FHIP1A: variants seen among roughly 807,000 people sequenced by gnomAD.
The protein encoded by FHIP1A is FHF complex subunit HOOK interacting protein 1A, also known as FHF complex subunit HOOK-interacting protein 1A.
In FHIP1A, 61 loss-of-function variants were observed where a neutral mutation model predicts 88.6. That is an observed-to-expected ratio of 0.69 (90% confidence interval 0.56 to 0.85). FHIP1A has a LOEUF of 0.85. Ranked by LOEUF, FHIP1A falls within the 40% of genes least tolerant of loss-of-function variation. The probability of loss-of-function intolerance (pLI) is 0.00; values close to 1 mark genes in which losing one functional copy is unlikely to be tolerated. For missense variants in FHIP1A, 1,154 were observed against 1,273.5 expected (o/e 0.91, Z 1.43); for synonymous variants, 478 against 496.0 (o/e 0.96, Z 0.48).
chr4:151,436,264 A>G (rs1397515223), intron 1 of FHIP1A, among the ~76,000 whole-genome samples: 1 of 152,158 alleles, frequency 6.6e-6, no homozygotes, highest in African/African-American at 2.4e-5. Flanking sequence ...AAAACAAACA[A>G]AAACGTAGGG....
At chr4:151,539,203 T>TAAA (rs1425966023) in intron 3 of FHIP1A, among the ~76,000 whole-genome samples, 2 of 152,218 alleles carry the variant, frequency 1.3e-5, no homozygotes, top group Admixed American at 6.5e-5. Flanking sequence ...AACTGATACT[T>TAAA]TTTTAAGCAA....
chr4:151,424,179 T>G (rs910069465), intron 1 of FHIP1A, among the ~76,000 whole-genome samples: 2 of 152,190 alleles, frequency 1.3e-5, no homozygotes, highest in Non-Finnish European at 2.9e-5. Flanking sequence ...CATTTAAATT[T>G]TCAAAATCCC....
rs186565896 is a variant in FHIP1A at position 151,492,880 on chromosome 4, G to A, written c.-123+10232G>A. Among the ~76,000 whole-genome samples, 8 of 152,226 alleles carry A rather than the reference G, an allele frequency of 5.3e-5. No individual in the cohort carries two copies. In the East Asian group the frequency reaches 1.5e-3, roughly 29 times the overall value. ...AGCAAATAAATGTCTACATCAAAAA[G>A]TCTGAAAGAGCACAAATAGATAATC... On this transcript the variant is annotated intron_variant, in intron 3 of 13. Transcript: ENST00000435205.
At chr4:151,627,615 G>T (rs1736000922) in intron 7 of FHIP1A, among the ~76,000 whole-genome samples, 1 of 152,170 alleles carries the variant, frequency 6.6e-6, no homozygotes, top group Admixed American at 6.5e-5. Flanking sequence ...AATCATTTAG[G>T]ATTAAGTTTC....
At chr4:151,495,330 C>G (rs531966706) in intron 3 of FHIP1A, among the ~76,000 whole-genome samples, 1 of 151,960 alleles carries the variant, frequency 6.6e-6, no homozygotes, top group African/African-American at 2.4e-5. Flanking sequence ...TGGCGAAACT[C>G]CATCTGTACT....
rs147716372 is a variant in FHIP1A, at chr4:151,448,408, C to G, written c.-355-6293C>G. Reference sequence around the variant, plus strand: ...GTACAACCATTACCACCATCCATCTCCAGAAGTGTTTTCATCTTGCTAATC... The same window carrying G: ...GTACAACCATTACCACCATCCATCTGCAGAAGTGTTTTCATCTTGCTAATC... On this transcript the variant is annotated intron_variant, in intron 1 of 13. Coordinates refer to ENST00000435205, the MANE Select transcript of FHIP1A (RefSeq NM_001109977.3). Among the ~76,000 whole-genome samples the G allele has an allele frequency of 1.5e-3, 230 of 152,220 alleles. 1 individual carries two copies. The highest frequency in any genetic ancestry group is 5.4e-3 in the African/African-American group (226 of 41,536).
intron 3 of FHIP1A, among the ~76,000 whole-genome samples, chr4:151,537,323 A>G (rs1732106910): frequency 6.6e-6 from 1 of 152,278 alleles, no homozygotes; most frequent in Non-Finnish European, 1.5e-5. Context: ...ATAGATATGC[A>G]GTAATATATC....
intron 1 of FHIP1A, among the ~76,000 whole-genome samples, chr4:151,444,600 A>G (rs567719690): frequency 1.3e-4 from 20 of 152,130 alleles, no homozygotes; most frequent in Middle Eastern, 3.4e-3. Flanking sequence ...AAAAAAATTC[A>G]TTTGTCTTTT....
intron 7 of FHIP1A, among the ~76,000 whole-genome samples, chr4:151,591,608 C>T (rs1401396287): frequency 6.6e-6 from 1 of 152,216 alleles, no homozygotes; most frequent in Non-Finnish European, 1.5e-5. Context: ...CCCCTGGCCC[C>T]TGGCCCCCTG....
At chr4:151,496,606 T>G (rs1031358022) in intron 3 of FHIP1A, among the ~76,000 whole-genome samples, 2 of 152,038 alleles carry the variant, frequency 1.3e-5, no homozygotes, top group Non-Finnish European at 2.9e-5. Context: ...TAGGGTGCAG[T>G]GGCACAATCT....
chr4:151,542,227 C>T (rs1208799286), intron 3 of FHIP1A, among the ~76,000 whole-genome samples: 1 of 152,020 alleles, frequency 6.6e-6, no homozygotes, highest in African/African-American at 2.4e-5. Context: ...CTGTTTTGTG[C>T]TGCTCTTGGT....
chr4:151,522,473 G>A (rs528643651), intron 3 of FHIP1A, among the ~76,000 whole-genome samples: 1 of 152,348 alleles, frequency 6.6e-6, no homozygotes, highest in Admixed American at 6.5e-5. Flanking sequence ...CTCTGTTCAG[G>A]AATCTCCCTG....
Position 151,502,042 on chromosome 4 carries a change from A to C in FHIP1A, c.-123+19394A>C, listed in dbSNP as rs907597125. ...GGATAAAGAACTAAAGGGGCCAGGC[A>C]CAATGGCTCATGCCTGTAATCCCAG... On this transcript the variant is annotated intron_variant, in intron 3 of 13. Coordinates refer to ENST00000435205, the MANE Select transcript of FHIP1A (RefSeq NM_001109977.3). 3.3e-5 allele frequency among the ~76,000 whole-genome samples: 5 copies of C among 151,878 alleles called. No individual in the cohort carries two copies. In the East Asian group the frequency reaches 9.7e-4, roughly 29 times the overall value.
At chr4:151,614,730 A>G (rs1735452243) in intron 7 of FHIP1A, among the ~76,000 whole-genome samples, 1 of 152,076 alleles carries the variant, frequency 6.6e-6, no homozygotes, top group Non-Finnish European at 1.5e-5. Flanking sequence ...AGGTTTGAGG[A>G]ATGTGAGTAC....
At chr4:151,571,527 A>G (rs561568996) in intron 4 of FHIP1A, among the ~76,000 whole-genome samples, 24 of 152,336 alleles carry the variant, frequency 1.6e-4, no homozygotes, top group African/African-American at 5.3e-4. Flanking sequence ...TACTTGAGTT[A>G]TGGTATTTTG....
At chr4:151,456,866 G>A (rs2126591946) in intron 2 of FHIP1A, among the ~76,000 whole-genome samples, 1 of 150,822 alleles carries the variant, frequency 6.6e-6, no homozygotes, top group South Asian at 2.1e-4. Context: ...AATAATTTTG[G>A]CCCTGTCTAC....
In FHIP1A at chr4:151,650,307, G is replaced by T; in HGVS notation, c.2266G>T (p.Asp756Tyr). ...PESEELIAQY[D>Y]QIIKELDSGA... Reference sequence around the variant, plus strand: ...GAGCGAGGAGCTCATTGCCCAGTATGACCAAATCATTAAAGAGCTGGATTC... The same window carrying T: ...GAGCGAGGAGCTCATTGCCCAGTATTACCAAATCATTAAAGAGCTGGATTC... The change falls in exon 11 of 14, where the codon GAC becomes TAC. Residue 756 changes from aspartate (D) to tyrosine (Y), a missense_variant. By Grantham distance (160) the Asp-to-Tyr change is radical. Transcript: ENST00000435205. 2 of 1,551,680 alleles carry T rather than the reference G, an allele frequency of 1.3e-6. No individual in the cohort carries two copies. Among genetic ancestry groups the T allele is most frequent in the South Asian group, 2.4e-5 (2 of 84,034 alleles).
In FHIP1A at chr4:151,662,494, C is replaced by T. The variant is rs1010413507; in HGVS notation, c.2870-7C>T. 8.5e-5 allele frequency: 129 copies of T among 1,515,370 alleles called. No individual in the cohort carries two copies. The highest frequency in any genetic ancestry group is 9.6e-5 in the Non-Finnish European group (108 of 1,126,226). The allele number at this position is 1,515,370 out of a possible 1,614,324, so 93.9% of individuals were successfully genotyped here. ...GGACACCATGATGGTTTTCTTTCTGCTTTCAGATCCCATTCAGGAGGCTTC... is the reference window on the plus strand; with the variant it reads ...GGACACCATGATGGTTTTCTTTCTGTTTTCAGATCCCATTCAGGAGGCTTC... On this transcript the variant is annotated splice_region_variant and splice_polypyrimidine_tract_variant and intron_variant, in intron 13 of 13. Coordinates refer to ENST00000435205, the MANE Select transcript of FHIP1A (RefSeq NM_001109977.3).
In FHIP1A at chr4:151,662,627, C is replaced by T. The variant is rs1326932070; in HGVS notation, c.2996C>T (p.Pro999Leu). 27 of 1,551,542 alleles carry T rather than the reference C, an allele frequency of 1.7e-5. No homozygotes were observed. Among genetic ancestry groups the T allele is most frequent in the Admixed American group, 3.9e-5 (2 of 50,976 alleles). Residue 999 changes from proline to leucine, a missense_variant, in exon 14 of 14, where the codon CCG (proline) becomes CTG (leucine). Coordinates refer to ENST00000435205, the MANE Select transcript of FHIP1A (RefSeq NM_001109977.3). ...GAGGCACCCCCCAACCTGCCCCTGC[C>T]GGTGAGGAACCCCATGCTGGCTGCT... is the stretch of plus-strand genomic sequence containing the variant. ...VAEAPPNLPLPVRNPMLAAAL... is the reference protein window; with the variant it reads ...VAEAPPNLPLLVRNPMLAAAL...
Sources: allele counts gnomAD v4.1 joint callset (sites outside exome capture counted in the v4.1 genomes callset), GRCh38; gene constraint gnomAD v4.1.1; transcripts MANE v1.5; gene names NCBI Gene and HGNC (gene_info 2026-07-23, HGNC 2026-07-21).